Variants in IL1RAPL2 observed in about 807,000 individuals in gnomAD.
IL1RAPL2 encodes the protein X-linked interleukin-1 receptor accessory protein-like 2.
Under a neutral mutation model 44.1 loss-of-function variants are expected in IL1RAPL2, and 3 were observed. The ratio of observed to expected loss-of-function variants is 0.07; its 90% CI spans 0.03 to 0.18. IL1RAPL2 has a LOEUF of 0.18. Ranked by LOEUF, IL1RAPL2 falls within the 10% of genes least tolerant of loss-of-function variation. IL1RAPL2 has a pLI of 1.00. For missense variants in IL1RAPL2, 391 were observed against 496.4 expected (o/e 0.79, Z 2.02); for synonymous variants, 181 against 178.8 (o/e 1.01, Z -0.10).
chrX:105,350,202 A>G (rs1043025154), intron 5 of IL1RAPL2, among the ~76,000 whole-genome samples: 3 of 111,543 alleles, frequency 2.7e-5, no homozygotes, highest in South Asian at 3.7e-4. Context: ...TCACTCCACC[A>G]AAACCTTCAA....
intron 10 of IL1RAPL2, among the ~76,000 whole-genome samples, chrX:105,757,324 TC>T (rs2038647877): frequency 1.8e-5 from 2 of 112,234 alleles, no homozygotes; most frequent in Non-Finnish European, 3.8e-5. Context: ...TGATGTATAA[TC>T]ACTTATTTGA....
chrX:105,754,110 A>G (rs1316376410), intron 9 of IL1RAPL2, among the ~76,000 whole-genome samples: 1 of 112,449 alleles, frequency 8.9e-6, no homozygotes, highest in Non-Finnish European at 1.9e-5. Context: ...AATAGAAAAT[A>G]TTGATGTGTT....
chrX:105,042,228 G>T lies in IL1RAPL2; in HGVS notation c.83-153247G>T, dbSNP rs1304484854. Among the ~76,000 whole-genome samples, 191 of 108,655 alleles carry T rather than the reference G, an allele frequency of 1.8e-3. 5 individuals are homozygous for T. In the East Asian group the frequency reaches 0.052, roughly 29 times the overall value. 94.4% of individuals were successfully genotyped at this position (108,655 alleles called of 115,157 possible). On this transcript the variant is annotated intron_variant, in intron 2 of 10. Transcript: ENST00000372582. Reference sequence around the variant, plus strand: ...CAACAAAAGCCAAAATTGACAAATGGGATCTAATTAAACTAAAGAGCTTCT... The same window carrying T: ...CAACAAAAGCCAAAATTGACAAATGTGATCTAATTAAACTAAAGAGCTTCT...
chrX:105,151,603 A>G (rs1417046916), intron 2 of IL1RAPL2, among the ~76,000 whole-genome samples: 2 of 109,560 alleles, frequency 1.8e-5, no homozygotes, highest in Admixed American at 2.0e-4. Flanking sequence ...TAAAAGGAAA[A>G]CTCCACTTCC....
chrX:104,606,397 T>G (rs1272306019), intron 1 of IL1RAPL2, among the ~76,000 whole-genome samples: 1 of 111,743 alleles, frequency 8.9e-6, no homozygotes, highest in Non-Finnish European at 1.9e-5. Flanking sequence ...GCATTCCCTT[T>G]GAAAACCAGC....
intron 2 of IL1RAPL2, among the ~76,000 whole-genome samples, chrX:104,864,794 C>G (rs1922575589): frequency 9.0e-6 from 1 of 111,521 alleles, no homozygotes; most frequent in South Asian, 3.8e-4. Context: ...TGGCCTTTTA[C>G]CAGGATAGAT....
intron 2 of IL1RAPL2, among the ~76,000 whole-genome samples, chrX:104,891,838 A>T (rs1045494977): frequency 9.0e-6 from 1 of 111,619 alleles, no homozygotes; most frequent in African/African-American, 3.3e-5. Context: ...TATGTTGAAT[A>T]GGAGTGGTGA....
At chrX:104,845,410 G>T (rs890828067) in intron 2 of IL1RAPL2, among the ~76,000 whole-genome samples, 1 of 111,986 alleles carries the variant, frequency 8.9e-6, no homozygotes, top group African/African-American at 3.2e-5. Flanking sequence ...ATGTTTATTT[G>T]GGAATAGAAA....
In IL1RAPL2 at chrX:105,358,037, T is replaced by TAAAAA. The variant is rs774626399; in HGVS notation, c.697+90521_697+90525dup. On this transcript the variant is annotated intron_variant, in intron 5 of 10. Transcript: ENST00000372582. ...GGATGACAGAGCAATATCCTATTTC[T>TAAAAA]AAAAAAAAAAAAAAAAAAAAAAAAA... Among the ~76,000 whole-genome samples, 179 of 40,788 alleles carry TAAAAA rather than the reference T, an allele frequency of 4.4e-3. 4 individuals are homozygous for TAAAAA. Among genetic ancestry groups the TAAAAA allele is most frequent in the African/African-American group, 0.012 (166 of 13,542 alleles). The allele number at this position is 40,788 out of a possible 115,157, so 35.4% of individuals were successfully genotyped here.
chrX:105,394,658 C>A (rs2035549628), intron 5 of IL1RAPL2, among the ~76,000 whole-genome samples: 1 of 111,170 alleles, frequency 9.0e-6, no homozygotes, highest in African/African-American at 3.3e-5. Context: ...ATATCAAGAC[C>A]AACCCCTCTG....
chrX:105,290,936 T>C (rs2034607623), intron 5 of IL1RAPL2, among the ~76,000 whole-genome samples: 1 of 111,533 alleles, frequency 9.0e-6, no homozygotes, highest in Non-Finnish European at 1.9e-5. Flanking sequence ...AAGGCAAAAA[T>C]GGGTCAAGTG....
At chrX:104,923,588 C>A (rs1602824203) in intron 2 of IL1RAPL2, among the ~76,000 whole-genome samples, 1 of 111,502 alleles carries the variant, frequency 9.0e-6, no homozygotes, top group Middle Eastern at 4.7e-3. Flanking sequence ...AAAGTATTTT[C>A]CAGACAAGCA....
intron 1 of IL1RAPL2, among the ~76,000 whole-genome samples, chrX:104,574,096 G>A (rs932924042): frequency 2.7e-5 from 3 of 111,200 alleles, no homozygotes; most frequent in Non-Finnish European, 5.7e-5. Context: ...TTGAGATGGA[G>A]AAGGTTTTTC....
chrX:105,586,339 T>C (rs1245765427), intron 6 of IL1RAPL2, among the ~76,000 whole-genome samples: 1 of 111,525 alleles, frequency 9.0e-6, no homozygotes, highest in Non-Finnish European at 1.9e-5. Context: ...TTTTAAAAAG[T>C]CAAGAAGCAA....
At chrX:104,797,290 G>A (rs1316318342) in intron 2 of IL1RAPL2, among the ~76,000 whole-genome samples, 4 of 102,623 alleles carry the variant, frequency 3.9e-5, no homozygotes, top group African/African-American at 1.1e-4. Context: ...TTTAATCTAC[G>A]TGACAAAGGG....
intron 2 of IL1RAPL2, among the ~76,000 whole-genome samples, chrX:104,809,751 T>C (rs188692023): frequency 2.7e-4 from 29 of 107,201 alleles, no homozygotes; most frequent in African/African-American, 9.0e-4. Context: ...CATTTGTCAA[T>C]TTTGTCTTTT....
At chrX:105,546,086 A>G (rs1569452868) in intron 6 of IL1RAPL2, among the ~76,000 whole-genome samples, 1 of 111,317 alleles carries the variant, frequency 9.0e-6, no homozygotes. Context: ...CCCCTTTGAT[A>G]GTGGCAGAAC....
chrX:105,477,103 A>G (rs2036202703), intron 5 of IL1RAPL2, among the ~76,000 whole-genome samples: 1 of 112,083 alleles, frequency 8.9e-6, no homozygotes, highest in South Asian at 3.7e-4. Flanking sequence ...CAGAGTCACA[A>G]CTTTGTGTGC....
At position 105,134,719 on chromosome X, in the gene IL1RAPL2, A is replaced by G. The variant is rs2033060592; in HGVS notation, c.83-60756A>G. 2.7e-5 allele frequency among the ~76,000 whole-genome samples: 3 copies of G among 111,628 alleles called. No homozygotes were observed. In the South Asian group the frequency reaches 1.1e-3, roughly 42 times the overall value. ...TACAAAGTCTATACAATGAATTCTAATATCAGCTTCCATTTGTTCTTCAGA... is the reference window on the plus strand; with the variant it reads ...TACAAAGTCTATACAATGAATTCTAGTATCAGCTTCCATTTGTTCTTCAGA... On this transcript the variant is annotated intron_variant, in intron 2 of 10. Coordinates refer to ENST00000372582, the MANE Select transcript of IL1RAPL2 (RefSeq NM_017416.2).
Sources: allele counts gnomAD v4.1 joint callset (sites outside exome capture counted in the v4.1 genomes callset), GRCh38; gene constraint gnomAD v4.1.1; transcripts MANE v1.5; gene names NCBI Gene and HGNC (gene_info 2026-07-23, HGNC 2026-07-21).